The following ZNF423 variants were observed in gnomAD, a reference collection of about 807,000 sequenced individuals.
ZNF423 encodes zinc finger protein 423.
ZNF423 carries 12 observed loss-of-function variants against 95.8 expected under a neutral mutation model. The observed-to-expected ratio is 0.13, with a 90% CI of 0.08 to 0.20. The LOEUF is 0.20. ZNF423 is among the 10% of genes least tolerant of loss of function. The pLI is 1.00. For missense variants in ZNF423, 1,316 were observed against 1,737.1 expected, an observed-to-expected ratio of 0.76 and a Z score of 4.31; for synonymous variants, 749 against 711.9, an observed-to-expected ratio of 1.05 and a Z score of -0.83.
At chr16:49,520,310 GAA>G (rs1400488860) in intron 7 of ZNF423, among the ~76,000 whole-genome samples, 8 of 152,172 alleles carry the variant, frequency 5.3e-5, no homozygotes, top group Non-Finnish European at 1.2e-4. Context: ...AAACTCCTTT[GAA>G]TTAATCTCAG....
intron 3 of ZNF423, among the ~76,000 whole-genome samples, chr16:49,654,526 G>A (rs889645586): frequency 2.0e-5 from 3 of 152,236 alleles, no homozygotes; most frequent in African/African-American, 7.2e-5. Context: ...GGTGCCAGAA[G>A]CTCCAAGCCC....
intron 3 of ZNF423, among the ~76,000 whole-genome samples, chr16:49,660,883 G>A (rs1187179239): frequency 6.6e-6 from 1 of 152,066 alleles, no homozygotes; most frequent in Non-Finnish European, 1.5e-5. Context: ...CAAACAAATG[G>A]ATAGATTTAA....
intron 3 of ZNF423, among the ~76,000 whole-genome samples, chr16:49,674,068 A>G (rs2030937359): frequency 6.6e-6 from 1 of 152,226 alleles, no homozygotes; most frequent in African/African-American, 2.4e-5. Flanking sequence ...GGTAGCTGGC[A>G]CTCTGAGAAC....
intron 6 of ZNF423, among the ~76,000 whole-genome samples, chr16:49,524,572 A>G (rs1401458778): frequency 6.6e-6 from 1 of 152,040 alleles, no homozygotes; most frequent in Non-Finnish European, 1.5e-5. Flanking sequence ...TGGCATGGAG[A>G]AGGTCTAGCC....
At chr16:49,561,048 G>T (rs986782419) in intron 5 of ZNF423, among the ~76,000 whole-genome samples, 1 of 152,182 alleles carries the variant, frequency 6.6e-6, no homozygotes, top group African/African-American at 2.4e-5. Context: ...TAGCATTTAT[G>T]TCTCCTTTCT....
At chr16:49,575,976 T>C (rs1385663380) in intron 5 of ZNF423, among the ~76,000 whole-genome samples, 2 of 152,038 alleles carry the variant, frequency 1.3e-5, no homozygotes, top group Non-Finnish European at 2.9e-5. Flanking sequence ...GGGTCCTTTT[T>C]CTCCCCTGGC....
intron 3 of ZNF423, among the ~76,000 whole-genome samples, chr16:49,669,375 T>A (rs533735111): frequency 6.7e-6 from 1 of 150,184 alleles, no homozygotes; most frequent in Non-Finnish European, 1.5e-5. Context: ...GAAAAAAAAA[T>A]CCATCTCATC....
intron 5 of ZNF423, among the ~76,000 whole-genome samples, chr16:49,617,931 G>A (rs1463688729): frequency 2.6e-5 from 4 of 152,106 alleles, no homozygotes; most frequent in Admixed American, 2.6e-4. Flanking sequence ...TGCTCCTTCA[G>A]CACCAACCAC....
chr16:49,835,039 T>G (rs1236471028), intron 1 of ZNF423, among the ~76,000 whole-genome samples: 1 of 151,888 alleles, frequency 6.6e-6, no homozygotes, highest in Non-Finnish European at 1.5e-5. Context: ...GGGGGGAGTC[T>G]CAGAATCACC....
intron 5 of ZNF423, among the ~76,000 whole-genome samples, chr16:49,619,895 T>C (rs1291188282): frequency 6.6e-6 from 1 of 152,088 alleles, no homozygotes; most frequent in Non-Finnish European, 1.5e-5. Flanking sequence ...TCCCTGGAGC[T>C]GGGGCGAGAC....
intron 2 of ZNF423, among the ~76,000 whole-genome samples, chr16:49,769,425 A>C (rs1017192904): frequency 5.9e-5 from 9 of 151,864 alleles, no homozygotes; most frequent in African/African-American, 2.2e-4. Flanking sequence ...GAAACTCAGA[A>C]TCTGACCTCT....
chr16:49,547,770 T>C (rs922193591), intron 5 of ZNF423, among the ~76,000 whole-genome samples: 1 of 152,302 alleles, frequency 6.6e-6, no homozygotes, highest in Admixed American at 6.5e-5. Context: ...TTGACGATAA[T>C]GGCTTTAGGA....
At chr16:49,755,990 G>A (rs576748926) in intron 2 of ZNF423, among the ~76,000 whole-genome samples, 1 of 152,308 alleles carries the variant, frequency 6.6e-6, no homozygotes, top group African/African-American at 2.4e-5. Flanking sequence ...TGGGTGAGTG[G>A]CTGATTGAGG....
intron 1 of ZNF423, among the ~76,000 whole-genome samples, chr16:49,808,937 A>T (rs946155142): frequency 6.6e-6 from 1 of 152,110 alleles, no homozygotes; most frequent in Non-Finnish European, 1.5e-5. Context: ...ACGGCCTCAG[A>T]AAGGTTCAGC....
intron 5 of ZNF423, among the ~76,000 whole-genome samples, chr16:49,567,524 T>A (rs1970230238): frequency 6.6e-6 from 1 of 151,916 alleles, no homozygotes; most frequent in South Asian, 2.1e-4. Context: ...AGCCCTGCCA[T>A]CTCGGTCGCC....
At chr16:49,804,272 T>C (rs1359042243) in intron 1 of ZNF423, among the ~76,000 whole-genome samples, 2 of 152,164 alleles carry the variant, frequency 1.3e-5, no homozygotes, top group East Asian at 3.9e-4. Context: ...GTTAAAATTC[T>C]GATTTTTTTA....
At chr16:49,605,158 T>C (rs1947402733) in intron 5 of ZNF423, among the ~76,000 whole-genome samples, 1 of 151,884 alleles carries the variant, frequency 6.6e-6, no homozygotes, top group Admixed American at 6.6e-5. Flanking sequence ...GAGCTCCAGG[T>C]CTCACCACCA....
At chr16:49,532,944 G>A (rs889186072) in intron 5 of ZNF423, among the ~76,000 whole-genome samples, 2 of 152,156 alleles carry the variant, frequency 1.3e-5, no homozygotes, top group African/African-American at 2.4e-5. Flanking sequence ...GGGGGAGACC[G>A]AATGCCCCAT....
Position 49,492,079 on chromosome 16 carries a change from A to G in ZNF423, c.3850-775T>C, listed in dbSNP as rs1446069885. 6.6e-6 allele frequency among the ~76,000 whole-genome samples: 1 copy of G among 152,226 alleles called. No homozygotes were observed. The highest frequency in any genetic ancestry group is 1.5e-5 in the Non-Finnish European group (1 of 68,028). On this transcript the variant is annotated intron_variant, in intron 7 of 7. Transcript: ENST00000563137. The surrounding 1 kb of genome is among the most constrained non-coding windows in gnomAD (Gnocchi z 4.2). ...GTCAATGGCATTTCCTCCCCCTGCC[A>G]GCCAGAGGGGGCCAGCAGGGTTGAT...
Sources: allele counts gnomAD v4.1 joint callset (sites outside exome capture counted in the v4.1 genomes callset), GRCh38; gene constraint gnomAD v4.1.1; non-coding constraint Gnocchi (gnomAD v3.1); transcripts MANE v1.5; gene names NCBI Gene and HGNC (gene_info 2026-07-23, HGNC 2026-07-21).